Variants in ARHGEF7 observed in about 807,000 individuals in gnomAD.
ARHGEF7 encodes the protein Rho guanine nucleotide exchange factor 7, also known as PAK-interacting exchange factor beta.
ARHGEF7 carries 33 observed loss-of-function variants against 109.8 expected under a neutral mutation model. The ratio of observed to expected loss-of-function variants is 0.30; its 90% CI spans 0.23 to 0.40. The LOEUF is 0.40. Ranked by LOEUF, ARHGEF7 falls within the 10% of genes least tolerant of loss-of-function variation. The pLI is 1.00. For missense variants in ARHGEF7, 938 were observed against 1,098.5 expected, an observed-to-expected ratio of 0.85 and a Z score of 2.07; for synonymous variants, 458 against 424.6, an observed-to-expected ratio of 1.08 and a Z score of -0.97.
At chr13:111,121,910 A>T (rs536154098) in intron 1 of ARHGEF7, among the ~76,000 whole-genome samples, 1 of 152,288 alleles carries the variant, frequency 6.6e-6, no homozygotes, top group East Asian at 1.9e-4. Flanking sequence ...AAATGAGTAG[A>T]TGTGCTGGGC....
At chr13:111,245,603 C>T (rs2088682518) in intron 8 of ARHGEF7, among the ~76,000 whole-genome samples, 1 of 152,148 alleles carries the variant, frequency 6.6e-6, no homozygotes. Flanking sequence ...TCGTTGTCAA[C>T]TTCTGATGGC....
At chr13:111,207,197 C>T (rs993037972) in intron 3 of ARHGEF7, among the ~76,000 whole-genome samples, 1 of 152,144 alleles carries the variant, frequency 6.6e-6, no homozygotes, top group Non-Finnish European at 1.5e-5. Context: ...GAGGCAGGGT[C>T]TTGCTCTGTC....
chr13:111,268,954 G>GT (rs1156657975), intron 9 of ARHGEF7, among the ~76,000 whole-genome samples: 1 of 152,112 alleles, frequency 6.6e-6, no homozygotes, highest in African/African-American at 2.4e-5. Flanking sequence ...CTTCCTATTT[G>GT]TTACTAAAGC....
chr13:111,196,835 T>A (rs2080565835), intron 2 of ARHGEF7, among the ~76,000 whole-genome samples: 1 of 152,178 alleles, frequency 6.6e-6, no homozygotes, highest in Non-Finnish European at 1.5e-5. Context: ...TTTCAATCCA[T>A]TTGCCTTCCC....
At chr13:111,200,435 C>T (rs2081086600) in intron 2 of ARHGEF7, among the ~76,000 whole-genome samples, 1 of 150,560 alleles carries the variant, frequency 6.6e-6, no homozygotes, top group Non-Finnish European at 1.5e-5. Context: ...CCTGGTGCTT[C>T]CTTGCTCGAA....
At chr13:111,209,760 G>T in intron 3 of ARHGEF7, 112 bp from the exon 4 acceptor site, 2 of 1,247,110 alleles carry the variant, frequency 1.6e-6, no homozygotes. Flanking sequence ...CTTTGTTGTG[G>T]TCTTTTGGTG....
At chr13:111,301,441 C>T (rs182707946) in intron 20 of ARHGEF7, 37 bp from the exon 21 acceptor site, 183 of 1,591,996 alleles carry the variant, frequency 1.1e-4, no homozygotes, top group Non-Finnish European at 1.4e-4. Context: ...CCATGCCTCA[C>T]CTTGTTCATG....
At chr13:111,209,809 T>C in intron 3 of ARHGEF7, 63 bp from the exon 4 acceptor site, 1 of 1,582,150 alleles carries the variant, frequency 6.3e-7, no homozygotes, top group Non-Finnish European at 8.6e-7. Context: ...GTCTAGTGTG[T>C]AGTGTGGGTG....
At chr13:111,166,276 G>A (rs1273894805) in intron 2 of ARHGEF7, among the ~76,000 whole-genome samples, 1 of 152,188 alleles carries the variant, frequency 6.6e-6, no homozygotes, top group Admixed American at 6.5e-5. Context: ...AAGAGATGGG[G>A]AATAATAGGA....
In ARHGEF7 at chr13:111,217,874, G is replaced by C. The variant is rs761352896; in HGVS notation, c.664G>C (p.Ala222Pro). ...CAGCAACTACGTGCGCGAGGTCAAG[G>C]CCAGCGGTAAGTGGCCGAGCCTGGG... Reference protein sequence around the residue: ...FPSNYVREVKASEKPVSPKSG... With the variant: ...FPSNYVREVKPSEKPVSPKSG... The change falls in exon 5 of 22, where the codon GCC becomes CCC. Residue 222 changes from alanine to proline, a missense_variant. Around this residue, in one of 4 missense-constraint regions of ARHGEF7, gnomAD observed 585 missense variants for 723.6 expected, o/e 0.81. Transcript: ENST00000646102. 5.0e-6 allele frequency: 8 copies of C among 1,610,718 alleles called. No homozygotes were observed. The highest frequency in any genetic ancestry group is 6.8e-6 in the Non-Finnish European group (8 of 1,177,410).
intron 13 of ARHGEF7, 84 bp from the exon 14 acceptor site, chr13:111,280,188 C>A: frequency 4.4e-6 from 6 of 1,365,560 alleles, no homozygotes; most frequent in Non-Finnish European, 6.0e-6. Flanking sequence ...ATTCTAAAAT[C>A]ATTTAATATT....
intron 2 of ARHGEF7, among the ~76,000 whole-genome samples, chr13:111,190,910 C>G (rs149814691): frequency 0.012 from 1,783 of 152,222 alleles, 26 homozygotes; most frequent in African/African-American, 0.039. Context: ...CAAGGTAGCT[C>G]TGGTGAGTGG....
rs891125959 is a variant in ARHGEF7, at chr13:111,304,271, C to T, written c.*1158C>T. On this transcript the variant is annotated 3_prime_UTR_variant, in exon 22 of 22. Transcript: ENST00000646102. ...GAGGAGACGAAGCCTGTCCTCACCG[C>T]GGCTCGCTGGGCCCAGGCTGGCTCT... The T allele has an allele frequency of 7.2e-5, 11 of 152,264 alleles. No homozygotes were observed. Among genetic ancestry groups the T allele is most frequent in the Admixed American group, 4.6e-4 (7 of 15,294 alleles). 9.4% of individuals were successfully genotyped at this position (152,264 alleles called of 1,614,324 possible). A position where few individuals can be genotyped will look rare whatever the true frequency, so the allele number is the denominator to read the frequency against.
chr13:111,271,647 C>G (rs904890847), intron 9 of ARHGEF7, among the ~76,000 whole-genome samples: 7 of 152,214 alleles, frequency 4.6e-5, no homozygotes, highest in South Asian at 2.1e-4. Context: ...TGCGTGCTCT[C>G]TCTCACAAAG....
At chr13:111,221,916 C>A (rs946845789) in intron 5 of ARHGEF7, among the ~76,000 whole-genome samples, 2 of 152,170 alleles carry the variant, frequency 1.3e-5, no homozygotes, top group Middle Eastern at 3.4e-3. Context: ...AGTCTCAAAA[C>A]TGAAGAAATT....
intron 6 of ARHGEF7, among the ~76,000 whole-genome samples, chr13:111,240,335 A>C (rs1019356087): frequency 1.3e-5 from 2 of 152,248 alleles, no homozygotes; most frequent in Admixed American, 6.5e-5. Context: ...ATTTCAAAAG[A>C]TACAGCATCA....
intron 19 of ARHGEF7, chr13:111,292,546 A>C: frequency 7.2e-7 from 1 of 1,390,086 alleles, no homozygotes; most frequent in Non-Finnish European, 9.3e-7. Flanking sequence ...TGTTCACGTG[A>C]GCCTACATCC....
At chr13:111,204,253 C>G (rs75514064) in intron 2 of ARHGEF7, among the ~76,000 whole-genome samples, 15,640 of 152,206 alleles carry the variant, frequency 0.1, 1,113 homozygotes, top group Middle Eastern at 0.16. Flanking sequence ...GAGGAGACGA[C>G]AGCCCTGGAG....
chr13:111,239,394 CG>C lies in ARHGEF7; in HGVS notation c.760-4477del, dbSNP rs1203045164. Reference sequence around the variant, plus strand: ...GGCCTTTCCTGTGCTCCAGAGAAGCCGCACACCTGTCTTTTCCTCCCTGCTC... The same window carrying C: ...GGCCTTTCCTGTGCTCCAGAGAAGCCCACACCTGTCTTTTCCTCCCTGCTC... On this transcript the variant is annotated intron_variant, in intron 6 of 21. Coordinates refer to ENST00000646102, the MANE Select transcript of ARHGEF7 (RefSeq NM_001354046.2). This position sits in a 1 kb window ranked among gnomAD's most constrained non-coding sequence, Gnocchi z 4.3. 6.6e-6 allele frequency among the ~76,000 whole-genome samples: 1 copy of C among 152,144 alleles called. No homozygotes were observed. The highest frequency in any genetic ancestry group is 1.5e-5 in the Non-Finnish European group (1 of 68,026).
Sources: gnomAD v4.1 joint callset for allele counts (sites outside exome capture counted in the v4.1 genomes callset) on GRCh38, gnomAD v4.1.1 for gene constraint, gnomAD v4.1.1 regional missense constraint, Gnocchi (gnomAD v3.1) non-coding constraint, MANE v1.5 for transcripts, NCBI Gene and HGNC (gene_info 2026-07-23, HGNC 2026-07-21) for gene names.